DHX38: variants seen among roughly 807,000 people sequenced by gnomAD.
DHX38 encodes pre-mRNA-splicing factor ATP-dependent RNA helicase PRP16.
DHX38 carries 100 observed loss-of-function variants against 153.1 expected under a neutral mutation model. The observed-to-expected ratio is 0.65, with a 90% CI of 0.56 to 0.77. DHX38 has a LOEUF of 0.77. Ranked by LOEUF, DHX38 falls within the 30% of genes least tolerant of loss-of-function variation. The probability of loss-of-function intolerance (pLI) is 0.00; values close to 1 mark genes in which losing one functional copy is unlikely to be tolerated. For synonymous variants in DHX38, 650 were observed against 631.7 expected, an observed-to-expected ratio of 1.03 and a Z score of -0.43; for missense variants, 1,440 against 1,654.0, an observed-to-expected ratio of 0.87 and a Z score of 2.24.
rs907263325 is a variant in DHX38 at position 72,098,893 on chromosome 16, GAC to G, written c.765-32_765-31del. The G allele has an allele frequency of 1.9e-6, 3 of 1,614,012 alleles. No individual in the cohort carries two copies. The Admixed American group carries it at 5.0e-5, about 27-fold the overall frequency. On this transcript the variant is annotated intron_variant, in intron 5 of 26. Transcript: ENST00000268482. ...CCAGGAGGACGTGGCTTAGCTCAGT[GAC>G]AGTTTTGTGATGCTGGTGCTGCTGT...
At chr16:72,109,594 A>T in intron 25 of DHX38, 84 bp downstream of exon 25, 1 of 1,290,808 alleles carries the variant, frequency 7.7e-7, no homozygotes. Context: ...ACTTGCGGTC[A>T]TCCAACCCAC....
Position 72,107,937 on chromosome 16 carries a change from T to G in DHX38, c.2964+138T>G. The stretch of plus-strand genomic sequence containing the variant: ...GAAGAATGATTTTGCTGTTCTCGGT[T>G]AAGCAGGTTGGGGTAGGGGAAAGGA... On this transcript the variant is annotated intron_variant, in intron 21 of 26. Transcript: ENST00000268482. The surrounding 1 kb of genome is among the most constrained non-coding windows in gnomAD (Gnocchi z 5.3). The G allele has an allele frequency of 7.6e-7, 1 of 1,320,084 alleles. No homozygotes were observed. The highest frequency in any genetic ancestry group is 2.5e-5 in the East Asian group (1 of 39,710). The allele number at this position is 1,320,084 out of a possible 1,614,324, so 81.8% of individuals were successfully genotyped here. A position where few individuals can be genotyped will look rare whatever the true frequency, so the allele number is the denominator to read the frequency against.
At position 72,107,693 on chromosome 16, in the gene DHX38, C is replaced by G; in HGVS notation, c.2858C>G (p.Pro953Arg). 6.2e-7 allele frequency: 1 copy of G among 1,614,188 alleles called. No homozygotes were observed. The highest frequency in any genetic ancestry group is 8.5e-7 in the Non-Finnish European group (1 of 1,180,042). Residue 953 changes from proline (P) to arginine (R), a missense_variant, in exon 21 of 27, where the codon CCT becomes CGT. Pro to Arg is a moderately radical substitution (Grantham distance 103). Transcript: ENST00000268482. This position sits in a 1 kb window ranked among gnomAD's most constrained non-coding sequence, Gnocchi z 5.3. ...GRLMVEFPLD[P>R]ALSKMLIVSC... ...CTGATGGTGGAGTTCCCGCTGGACC[C>G]TGCCCTGTCCAAGATGCTCATCGTG...
At chr16:72,096,022 T>C in intron 1 of DHX38, 117 bp from the exon 2 acceptor site, 1 of 1,077,264 alleles carries the variant, frequency 9.3e-7, no homozygotes, top group South Asian at 1.7e-5. Flanking sequence ...AAAGTAGTCC[T>C]GGTCTTAAGG....
chr16:72,096,442 G>T lies in DHX38; in HGVS notation c.285G>T (p.Glu95Asp). The T allele has an allele frequency of 6.2e-7, 1 of 1,613,730 alleles. No individual in the cohort carries two copies. Among genetic ancestry groups the T allele is most frequent in the Non-Finnish European group, 8.5e-7 (1 of 1,179,906 alleles). Reference protein sequence around the residue: ...SKDDQKDAEEEGGDQAGQNIR... With the variant: ...SKDDQKDAEEDGGDQAGQNIR... ...ATGACCAGAAGGATGCTGAGGAAGA[G>T]GGCGGTGACCAGGCTGGCCAAAATA... The change falls in exon 2 of 27, where the codon GAG becomes GAT. Residue 95 changes from glutamate to aspartate, a missense_variant. Glu to Asp is a conservative substitution (Grantham distance 45). Transcript: ENST00000268482.
intron 25 of DHX38, among the ~76,000 whole-genome samples, chr16:72,110,605 C>G (rs1424902167): frequency 6.6e-6 from 1 of 152,236 alleles, no homozygotes; most frequent in Non-Finnish European, 1.5e-5. Flanking sequence ...ACCAGGCTCC[C>G]TTGCATCTTA....
Position 72,101,033 on chromosome 16 carries a change from A to G in DHX38, c.1279-53A>G, listed in dbSNP as rs561730407. The G allele has an allele frequency of 1.8e-4, 274 of 1,547,328 alleles. 1 individual carries two copies. The highest frequency in any genetic ancestry group is 1.0e-3 in the Middle Eastern group (6 of 5,906). On this transcript the variant is annotated intron_variant, in intron 9 of 26. Transcript: ENST00000268482. ...TTTCACAAGTAGGGATCTTATGAAC[A>G]TGGCCTTCTTGCTGATTTTAACGGG... is the stretch of plus-strand genomic sequence containing the variant.
At chr16:72,099,464 C>T (rs993520866) in intron 7 of DHX38, among the ~76,000 whole-genome samples, 184 bp downstream of exon 7, 2 of 152,118 alleles carry the variant, frequency 1.3e-5, no homozygotes, top group African/African-American at 4.8e-5. Context: ...AGTAGGCTGA[C>T]CTAACTGTTC....
Position 72,107,364 on chromosome 16 carries a change from G to A in DHX38, c.2625G>A (p.Lys875=). Residue 875 remains lysine (K), a synonymous_variant, in exon 20 of 27, where the codon AAG becomes AAA. Coordinates refer to ENST00000268482, the MANE Select transcript of DHX38 (RefSeq NM_014003.4). The surrounding 1 kb of genome is among the most constrained non-coding windows in gnomAD (Gnocchi z 5.3). The part of the protein sequence containing the change: ...CFRLYTQSAY[K]NELLTTTVPE... ...GGCTCTACACCCAGAGCGCCTACAA[G>A]AATGAGCTCCTGACCACCACAGTGC... 6.2e-7 allele frequency: 1 copy of A among 1,612,008 alleles called. No homozygotes were observed. Among genetic ancestry groups the A allele is most frequent in the Non-Finnish European group, 8.5e-7 (1 of 1,179,996 alleles).
chr16:72,107,914 A>G lies in DHX38; in HGVS notation c.2964+115A>G. On this transcript the variant is annotated intron_variant, in intron 21 of 26. Coordinates refer to ENST00000268482, the MANE Select transcript of DHX38 (RefSeq NM_014003.4). The surrounding 1 kb of genome is among the most constrained non-coding windows in gnomAD (Gnocchi z 5.3). Reference sequence around the variant, plus strand: ...CAGAGGGCAGAATCAGAGTTTCTGAAGAATGATTTTGCTGTTCTCGGTTAA... The same window carrying G: ...CAGAGGGCAGAATCAGAGTTTCTGAGGAATGATTTTGCTGTTCTCGGTTAA... The G allele has an allele frequency of 7.1e-7, 1 of 1,415,420 alleles. No individual in the cohort carries two copies. The highest frequency in any genetic ancestry group is 9.4e-7 in the Non-Finnish European group (1 of 1,059,064). 87.7% of individuals were successfully genotyped at this position (1,415,420 alleles called of 1,614,324 possible). A position where few individuals can be genotyped will look rare whatever the true frequency, so the allele number is the denominator to read the frequency against.
At chr16:72,105,707 C>T in intron 18 of DHX38, 83 bp downstream of exon 18, 2 of 1,374,240 alleles carry the variant, frequency 1.5e-6, no homozygotes, top group South Asian at 1.2e-5. Flanking sequence ...GGCCTCGCTC[C>T]TGGCCCTGGG....
chr16:72,104,257 G>A lies in DHX38; in HGVS notation c.2010+126G>A. ...AGGCCAGAGGTTCCTGAGGCCTCTG[G>A]TTGCAGTTCAGACTCGGGTTGTAGT... On this transcript the variant is annotated intron_variant, in intron 14 of 26. Transcript: ENST00000268482. The surrounding 1 kb of genome is among the most constrained non-coding windows in gnomAD (Gnocchi z 4.5). 3.0e-6 allele frequency: 4 copies of A among 1,314,354 alleles called. No individual in the cohort carries two copies. Among genetic ancestry groups the A allele is most frequent in the Non-Finnish European group, 4.1e-6 (4 of 969,794 alleles). 81.4% of individuals were successfully genotyped at this position (1,314,354 alleles called of 1,614,324 possible).
intron 7 of DHX38, 87 bp downstream of exon 7, chr16:72,099,367 G>T: frequency 8.0e-7 from 1 of 1,242,352 alleles, no homozygotes; most frequent in Non-Finnish European, 1.1e-6. Flanking sequence ...GCTTTGATGA[G>T]GGTACACCTG....
chr16:72,104,960 C>T lies in DHX38; in HGVS notation c.2152-67C>T, dbSNP rs1055810421. The T allele has an allele frequency of 2.0e-6, 3 of 1,480,484 alleles. No individual in the cohort carries two copies. Among genetic ancestry groups the T allele is most frequent in the South Asian group, 2.5e-5 (2 of 80,794 alleles). The allele number at this position is 1,480,484 out of a possible 1,614,324, so 91.7% of individuals were successfully genotyped here. A position where few individuals can be genotyped will look rare whatever the true frequency, so the allele number is the denominator to read the frequency against. On this transcript the variant is annotated intron_variant, in intron 15 of 26. Coordinates refer to ENST00000268482, the MANE Select transcript of DHX38 (RefSeq NM_014003.4). This position sits in a 1 kb window ranked among gnomAD's most constrained non-coding sequence, Gnocchi z 4.5. Reference sequence around the variant, plus strand: ...CCAGAGCAGTGCCTGGGCCACTGGGCTCCCAGGAGATGCCCGGCCTGCGCT... The same window carrying T: ...CCAGAGCAGTGCCTGGGCCACTGGGTTCCCAGGAGATGCCCGGCCTGCGCT...
rs374300237 is a variant in DHX38, at chr16:72,099,095, G to A, written c.883+50G>A. Reference sequence around the variant, plus strand: ...GAAGAGCAGGCTTGCTTGCCCTAGCGAGGATGAGCAGGGGCTGCCCTTCTG... The same window carrying A: ...GAAGAGCAGGCTTGCTTGCCCTAGCAAGGATGAGCAGGGGCTGCCCTTCTG... On this transcript the variant is annotated intron_variant, in intron 6 of 26. Transcript: ENST00000268482. 5.1e-4 allele frequency: 815 copies of A among 1,607,246 alleles called. 1 individual carries two copies. The highest frequency in any genetic ancestry group is 5.9e-4 in the Admixed American group (35 of 59,672).
rs766828382 is a variant in DHX38 at position 72,105,045 on chromosome 16, G to A, written c.2170G>A (p.Val724Met). 5.0e-6 allele frequency: 8 copies of A among 1,614,144 alleles called. No homozygotes were observed. Among genetic ancestry groups the A allele is most frequent in the Admixed American group, 3.3e-5 (2 of 60,030 alleles). Residue 724 changes from valine (V) to methionine (M), a missense_variant, in exon 16 of 27, where the codon GTG becomes ATG. Physicochemically the swap from Val to Met is conservative, Grantham distance 21. Coordinates refer to ENST00000268482, the MANE Select transcript of DHX38 (RefSeq NM_014003.4). ...LFSKTPQEDY[V>M]EAAVKQSLQV... ...GTTGCAGACCCCACAGGAGGATTAC[G>A]TGGAGGCTGCAGTGAAGCAGTCCTT...
chr16:72,099,790 T>G lies in DHX38; in HGVS notation c.1019T>G (p.Leu340Arg). The stretch of plus-strand genomic sequence containing the variant: ...GGCTATGACGAGTTCCACAACCCGC[T>G]GGCCTACTCCTCCGAGGACTACGTG... ...DEGYDEFHNP[L>R]AYSSEDYVRR... is the part of the protein sequence containing the mutation. Residue 340 changes from leucine (L) to arginine (R), a missense_variant, in exon 8 of 27, where the codon CTG becomes CGG. Leu to Arg is a moderately radical substitution (Grantham distance 102). Around this residue, in one of 6 missense-constraint regions of DHX38, gnomAD observed 483 missense variants for 465.1 expected, o/e 1.04. Coordinates refer to ENST00000268482, the MANE Select transcript of DHX38 (RefSeq NM_014003.4). 1 of 1,614,206 alleles carries G rather than the reference T, an allele frequency of 6.2e-7. No individual in the cohort carries two copies. Among genetic ancestry groups the G allele is most frequent in the East Asian group, 2.2e-5 (1 of 44,886 alleles).
intron 1 of DHX38, among the ~76,000 whole-genome samples, chr16:72,095,152 A>T (rs1253169763): frequency 6.6e-6 from 1 of 152,260 alleles, no homozygotes; most frequent in Non-Finnish European, 1.5e-5. Context: ...GAGAGGAATT[A>T]TCCAAGCATC....
In DHX38 at chr16:72,097,797, T is replaced by C. The variant is rs752996092; in HGVS notation, c.616+16T>C. ...CGACCTAAAGGTAGACTCACTGTTT[T>C]GGTGGCTTGTGAGGATTCAAGTGTA... On this transcript the variant is annotated intron_variant, in intron 4 of 26. Transcript: ENST00000268482. The C allele has an allele frequency of 6.2e-7, 1 of 1,607,366 alleles. No homozygotes were observed. The highest frequency in any genetic ancestry group is 8.5e-7 in the Non-Finnish European group (1 of 1,176,274).
Sources: allele counts gnomAD v4.1 joint callset (sites outside exome capture counted in the v4.1 genomes callset), GRCh38; gene constraint gnomAD v4.1.1; regional missense constraint gnomAD v4.1.1; non-coding constraint Gnocchi (gnomAD v3.1); transcripts MANE v1.5; gene names NCBI Gene and HGNC (gene_info 2026-07-23, HGNC 2026-07-21).